INPP5A: variants seen among roughly 807,000 people sequenced by gnomAD.
INPP5A encodes 43 kDa inositol polyphosphate 5-phophatase.
In INPP5A, 14 loss-of-function variants were observed where a neutral mutation model predicts 65.2. The ratio of observed to expected loss-of-function variants is 0.21; its 90% CI spans 0.14 to 0.34. The LOEUF is 0.34. Among genes scored for constraint, INPP5A ranks in the 10% least tolerant of loss-of-function variants. INPP5A has a pLI of 1.00. For synonymous variants in INPP5A, 207 were observed against 208.3 expected (o/e 0.99, Z 0.05); for missense variants, 431 against 545.6 (o/e 0.79, Z 2.09).
chr10:132,570,962 G>A (rs1032904115), intron 1 of INPP5A, among the ~76,000 whole-genome samples: 5 of 152,238 alleles, frequency 3.3e-5, no homozygotes, highest in Non-Finnish European at 7.3e-5. Flanking sequence ...TCTCCTGGTG[G>A]GTGGGGGCTG....
chr10:132,780,962 G>A, intron 14 of INPP5A, 45 bp downstream of exon 14: 1 of 720,978 alleles, frequency 1.4e-6, no homozygotes, highest in Non-Finnish European at 2.3e-6. Flanking sequence ...GGACCAAGGG[G>A]AAGCTAGGGG....
Position 132,578,780 on chromosome 10 carries a change from C to CAGGAG in INPP5A, c.76-29123_76-29119dup, listed in dbSNP as rs1265826129. On this transcript the variant is annotated intron_variant, in intron 1 of 15. Coordinates refer to ENST00000368594, the MANE Select transcript of INPP5A (RefSeq NM_005539.5). ...GTGTGCAGGGGCTGGGTCTGGGCTC[C>CAGGAG]AGGAGAGGAGAGGAGACTCTCGACG... Among the ~76,000 whole-genome samples the CAGGAG allele has an allele frequency of 4.6e-5, 7 of 151,924 alleles. No individual in the cohort carries two copies. The East Asian group carries it at 9.8e-4, about 21-fold the overall frequency.
chr10:132,595,029 A>G (rs776593415), intron 1 of INPP5A, among the ~76,000 whole-genome samples: 1 of 152,248 alleles, frequency 6.6e-6, no homozygotes, highest in Non-Finnish European at 1.5e-5. Context: ...AAAGAAGAGA[A>G]AAAGAAATAC....
chr10:132,578,860 T>C (rs1395696086), intron 1 of INPP5A, among the ~76,000 whole-genome samples: 1 of 152,026 alleles, frequency 6.6e-6, no homozygotes, highest in Non-Finnish European at 1.5e-5. Context: ...GCAGAGGGGC[T>C]GCGGCCGTAG....
At chr10:132,640,808 C>T (rs1001246307) in intron 2 of INPP5A, among the ~76,000 whole-genome samples, 2 of 152,212 alleles carry the variant, frequency 1.3e-5, no homozygotes, top group African/African-American at 4.8e-5. Flanking sequence ...CCCCTCTTTG[C>T]CAGCACTTAT....
At chr10:132,732,362 G>A (rs1016920296) in intron 9 of INPP5A, among the ~76,000 whole-genome samples, 3 of 152,332 alleles carry the variant, frequency 2.0e-5, no homozygotes, top group African/African-American at 7.2e-5. Flanking sequence ...CTGTTCATTT[G>A]ACAAGTCTTT....
intron 1 of INPP5A, among the ~76,000 whole-genome samples, chr10:132,604,716 T>A (rs1191704871): frequency 6.6e-6 from 1 of 152,172 alleles, no homozygotes; most frequent in Non-Finnish European, 1.5e-5. Flanking sequence ...CTGCTCAGGA[T>A]GGAAAAACGC....
chr10:132,782,460 ACTCC>A lies in INPP5A; in HGVS notation c.*435_*438del, dbSNP rs1460303209. On this transcript the variant is annotated 3_prime_UTR_variant, in exon 16 of 16. Coordinates refer to ENST00000368594, the MANE Select transcript of INPP5A (RefSeq NM_005539.5). This position sits in a 1 kb window ranked among gnomAD's most constrained non-coding sequence, Gnocchi z 4.4. ...AGGGGCTGGGGAAGCCGAGACGGGC[ACTCC>A]CTCTGCCGGCCGGCAGCGTGGCCCT... The A allele has an allele frequency of 1.6e-5, 3 of 193,334 alleles. No individual in the cohort carries two copies. Among genetic ancestry groups the A allele is most frequent in the Non-Finnish European group, 3.2e-5 (3 of 92,992 alleles). 12.0% of individuals were successfully genotyped at this position (193,334 alleles called of 1,614,324 possible). A position where few individuals can be genotyped will look rare whatever the true frequency, so the allele number is the denominator to read the frequency against.
chr10:132,671,360 TCCGCCCTCCCTGCTTC>T (rs2072888665), intron 4 of INPP5A, among the ~76,000 whole-genome samples: 2 of 150,696 alleles, frequency 1.3e-5, no homozygotes, highest in Admixed American at 1.3e-4. Context: ...TGCTTCGGAC[TCCGCCCTCCCTGCTTC>T]GGACTCCGCC....
intron 4 of INPP5A, among the ~76,000 whole-genome samples, chr10:132,666,559 C>T (rs921173865): frequency 8.5e-5 from 13 of 152,186 alleles, no homozygotes; most frequent in Non-Finnish European, 1.2e-4. Context: ...CGCACCATCC[C>T]GAGGCTGCCG....
At chr10:132,754,704 G>C (rs1431474686) in intron 11 of INPP5A, among the ~76,000 whole-genome samples, 1 of 152,262 alleles carries the variant, frequency 6.6e-6, no homozygotes, top group Non-Finnish European at 1.5e-5. Context: ...CCACCACCCA[G>C]GCAGGATGCC....
In INPP5A at chr10:132,650,281, C is replaced by A. The variant is rs545466320; in HGVS notation, c.219-137C>A. ...CTGCGGTGGCTGCCGCCATTCCCTG[C>A]CCTCTGCCTGTCACGGGTGGATGGT... On this transcript the variant is annotated intron_variant, in intron 3 of 15. Transcript: ENST00000368594. The surrounding 1 kb of genome is among the most constrained non-coding windows in gnomAD (Gnocchi z 5.5). The A allele has an allele frequency of 9.1e-6, 6 of 660,036 alleles. No homozygotes were observed. In the African/African-American group the frequency reaches 1.1e-4, roughly 12 times the overall value. 40.9% of individuals were successfully genotyped at this position (660,036 alleles called of 1,614,324 possible). A position where few individuals can be genotyped will look rare whatever the true frequency, so the allele number is the denominator to read the frequency against.
At chr10:132,690,555 A>C in intron 5 of INPP5A, 100 bp downstream of exon 5, 1 of 874,018 alleles carries the variant, frequency 1.1e-6, no homozygotes, top group Non-Finnish European at 1.9e-6. Flanking sequence ...GTGAGTGGCC[A>C]CTGTGGGCTG....
In INPP5A at chr10:132,782,226, A is replaced by T. The variant is rs1212483424; in HGVS notation, c.*197A>T. ...ACATACCTCACTGTCTCGTCTGTCT[A>T]TGTGACATTAAGTAGAAATATTGGT... On this transcript the variant is annotated 3_prime_UTR_variant, in exon 16 of 16. Transcript: ENST00000368594. This position sits in a 1 kb window ranked among gnomAD's most constrained non-coding sequence, Gnocchi z 4.4. 1 of 609,794 alleles carries T rather than the reference A, an allele frequency of 1.6e-6. No individual in the cohort carries two copies. The highest frequency in any genetic ancestry group is 2.8e-6 in the Non-Finnish European group (1 of 360,452). The allele number at this position is 609,794 out of a possible 1,614,324, so 37.8% of individuals were successfully genotyped here. A position where few individuals can be genotyped will look rare whatever the true frequency, so the allele number is the denominator to read the frequency against.
At chr10:132,766,236 C>T (rs112661947) in intron 12 of INPP5A, among the ~76,000 whole-genome samples, 5,518 of 152,352 alleles carry the variant, frequency 0.036, 327 homozygotes, top group African/African-American at 0.12. Context: ...GCAAACTGCA[C>T]CTTCTCCTGC....
At chr10:132,638,631 A>C (rs1438336082) in intron 2 of INPP5A, among the ~76,000 whole-genome samples, 1 of 152,144 alleles carries the variant, frequency 6.6e-6, no homozygotes, top group Non-Finnish European at 1.5e-5. Context: ...GCAGTGGCAC[A>C]ATCTCGGAGC....
At position 132,549,175 on chromosome 10, in the gene INPP5A, G is replaced by A. The variant is rs561334901; in HGVS notation, c.75+11004G>A. On this transcript the variant is annotated intron_variant, in intron 1 of 15. Transcript: ENST00000368594. This position sits in a 1 kb window ranked among gnomAD's most constrained non-coding sequence, Gnocchi z 4.9. The stretch of plus-strand genomic sequence containing the variant: ...CTCCAGTCGCCCACAGATGGACGTC[G>A]GGGCTATCGTGGCTAGTGTACTGTT... Among the ~76,000 whole-genome samples the A allele has an allele frequency of 3.3e-5, 5 of 152,242 alleles. No homozygotes were observed. In the South Asian group the frequency reaches 6.2e-4, roughly 19 times the overall value.
chr10:132,780,815 T>A, intron 13 of INPP5A, 34 bp from the exon 14 acceptor site: 2 of 1,597,098 alleles, frequency 1.3e-6, no homozygotes, highest in Non-Finnish European at 1.7e-6. Flanking sequence ...GTGCCCCACC[T>A]CCCCACACTC....
chr10:132,559,385 A>G (rs1159005352), intron 1 of INPP5A, among the ~76,000 whole-genome samples: 4 of 152,262 alleles, frequency 2.6e-5, no homozygotes, highest in African/African-American at 7.2e-5. Context: ...CAGGCACCAT[A>G]AAACCTACAG....
Sources: allele counts gnomAD v4.1 joint callset (sites outside exome capture counted in the v4.1 genomes callset), GRCh38; gene constraint gnomAD v4.1.1; non-coding constraint Gnocchi (gnomAD v3.1); transcripts MANE v1.5; gene names NCBI Gene and HGNC (gene_info 2026-07-23, HGNC 2026-07-21).